The following DNAH14 variants were observed in gnomAD, a reference collection of about 807,000 sequenced individuals.
DNAH14 encodes axonemal beta dynein heavy chain 14.
DNAH14 carries 478 observed loss-of-function variants against 520.9 expected under a neutral mutation model. That is an observed-to-expected ratio of 0.92 (90% CI 0.85 to 0.99). DNAH14 has a LOEUF of 0.99. DNAH14 is among the 50% of genes least tolerant of loss of function. DNAH14 has a pLI of 0.00. For missense variants in DNAH14, 4,831 were observed against 5,234.5 expected, an observed-to-expected ratio of 0.92 and a Z score of 2.38; for synonymous variants, 1,581 against 1,757.2, an observed-to-expected ratio of 0.90 and a Z score of 2.51.
At chr1:225,336,038 C>CATATGCAT (rs1553337722) in intron 66 of DNAH14, among the ~76,000 whole-genome samples, 3 of 64,668 alleles carry the variant, frequency 4.6e-5, no homozygotes, top group African/African-American at 9.5e-5. Context: ...TATATACACA[C>CATATGCAT]ATATATGCAT....
chr1:225,162,900 G>A (rs966018814), intron 35 of DNAH14, among the ~76,000 whole-genome samples: 7 of 151,990 alleles, frequency 4.6e-5, no homozygotes, highest in Non-Finnish European at 1.0e-4. Context: ...ACTTTGGGAG[G>A]CCAAGCCAAA....
chr1:224,968,046 C>A, intron 6 of DNAH14: 1 of 786,154 alleles, frequency 1.3e-6, no homozygotes, highest in Non-Finnish European at 1.6e-6. Flanking sequence ...TGTTTAATGT[C>A]TGTCTGCCTT....
intron 8 of DNAH14, 131 bp downstream of exon 8, chr1:224,974,284 C>A (rs1326189378): frequency 2.0e-6 from 1 of 495,948 alleles, no homozygotes. Context: ...TACGATTAAA[C>A]TTAACCCATT....
chr1:224,951,335 C>G (rs924072674), intron 1 of DNAH14, among the ~76,000 whole-genome samples: 1 of 151,530 alleles, frequency 6.6e-6, no homozygotes, highest in African/African-American at 2.4e-5. Context: ...CTTGTTGGCT[C>G]TTTTTCAAAA....
chr1:225,085,945 A>G (rs1335798368), intron 21 of DNAH14, among the ~76,000 whole-genome samples, 156 bp downstream of exon 21: 2 of 152,088 alleles, frequency 1.3e-5, no homozygotes, highest in Admixed American at 1.3e-4. Context: ...AATACCAAAA[A>G]TAACTTTTTG....
In DNAH14 at chr1:224,964,571, G is replaced by A. The variant is rs202121833; in HGVS notation, c.460G>A (p.Gly154Arg). The A allele has an allele frequency of 2.5e-4, 397 of 1,603,460 alleles. 5 individuals are homozygous for A. Among genetic ancestry groups the A allele is most frequent in the Admixed American group, 1.5e-4 (9 of 59,668 alleles). ...TILPQHSLKY[G>R]SSKIAIQKIT... ...ATTACCGCAGCACAGTTTGAAATACGGAAGCTCCAAAATTGCAATTCAGAA... is the reference window on the plus strand; with the variant it reads ...ATTACCGCAGCACAGTTTGAAATACAGAAGCTCCAAAATTGCAATTCAGAA... Residue 154 changes from glycine to arginine, a missense_variant, in exon 5 of 86, where the codon GGA becomes AGA. Transcript: ENST00000682510.
intron 52 of DNAH14, among the ~76,000 whole-genome samples, chr1:225,275,598 A>G (rs1418836845): frequency 6.6e-6 from 1 of 152,230 alleles, no homozygotes; most frequent in Non-Finnish European, 1.5e-5. Context: ...ATTTCTAGCA[A>G]CAGGAGTTCT....
intron 1 of DNAH14, among the ~76,000 whole-genome samples, chr1:224,947,193 C>T (rs1399249208): frequency 6.6e-6 from 1 of 152,096 alleles, no homozygotes; most frequent in African/African-American, 2.4e-5. Context: ...GCTGGGATTA[C>T]AGGCGTGAAC....
intron 81 of DNAH14, among the ~76,000 whole-genome samples, chr1:225,386,705 T>A (rs1476610756): frequency 6.6e-6 from 1 of 152,218 alleles, no homozygotes; most frequent in Non-Finnish European, 1.5e-5. Context: ...CCAGTTAGAA[T>A]GGCAATCATT....
At chr1:225,048,704 C>T (rs969460140) in intron 15 of DNAH14, among the ~76,000 whole-genome samples, 2 of 151,942 alleles carry the variant, frequency 1.3e-5, no homozygotes, top group Admixed American at 6.5e-5. Context: ...CCAAATTTTC[C>T]TTTTTCTTGG....
In DNAH14 at chr1:225,346,652, C is replaced by T; in HGVS notation, c.11294C>T (p.Thr3765Ile). The T allele has an allele frequency of 6.5e-7, 1 of 1,533,378 alleles. No homozygotes were observed. The highest frequency in any genetic ancestry group is 8.8e-7 in the Non-Finnish European group (1 of 1,137,494). The allele number at this position is 1,533,378 out of a possible 1,614,324, so 95.0% of individuals were successfully genotyped here. The change falls in exon 71 of 86, where the codon ACT becomes ATT. Residue 3765 changes from threonine (T) to isoleucine (I), a missense_variant and splice_region_variant. Thr to Ile is a moderately conservative substitution (Grantham distance 89, BLOSUM62 -1). Coordinates refer to ENST00000682510, the MANE Select transcript of DNAH14 (RefSeq NM_001367479.1). ...AGTGCATTATCCCAGTCTAGACTTA[C>T]TAGTAAGTAAAAGTTACTATTCCGG... ...IKSALSQSRL[T>I]STFEIGESQH... is the part of the protein sequence containing the mutation.
chr1:225,023,899 A>G, intron 11 of DNAH14, 34 bp downstream of exon 11: 1 of 1,498,404 alleles, frequency 6.7e-7, no homozygotes, highest in South Asian at 1.3e-5. Context: ...AAAGTAACTT[A>G]CAATTATAAT....
At chr1:225,375,104 G>A (rs1326247476) in intron 78 of DNAH14, among the ~76,000 whole-genome samples, 3 of 151,896 alleles carry the variant, frequency 2.0e-5, no homozygotes, top group African/African-American at 7.3e-5. Context: ...CATGTCCTCC[G>A]AGAACGTAGA....
chr1:225,061,007 G>A (rs897578030), intron 17 of DNAH14, among the ~76,000 whole-genome samples: 1 of 150,718 alleles, frequency 6.6e-6, no homozygotes, highest in Non-Finnish European at 1.5e-5. Flanking sequence ...ATCTCCAGCT[G>A]CATGCTAGGA....
intron 57 of DNAH14, among the ~76,000 whole-genome samples, chr1:225,304,023 T>A (rs77177377): frequency 5.9e-5 from 9 of 151,364 alleles, no homozygotes; most frequent in Non-Finnish European, 1.2e-4. Context: ...GAAAAAAAAA[T>A]GCCGCTGAGT....
In DNAH14 at chr1:225,377,310, A is replaced by T; in HGVS notation, c.12590A>T (p.Asp4197Val). ...ATTATCCAGTCCTTACCTGATGATG[A>T]CCTTCCCGAGGTCTTAGGAATACAC... ...IHIIQSLPDDDLPEVLGIHPE... is the reference protein window; with the variant it reads ...IHIIQSLPDDVLPEVLGIHPE... The change falls in exon 79 of 86, where the codon GAC becomes GTC. Residue 4197 changes from aspartate (D) to valine (V), a missense_variant. Physicochemically the swap from Asp to Val is radical, Grantham distance 152. Coordinates refer to ENST00000682510, the MANE Select transcript of DNAH14 (RefSeq NM_001367479.1). The T allele has an allele frequency of 6.5e-7, 1 of 1,550,094 alleles. No homozygotes were observed. Among genetic ancestry groups the T allele is most frequent in the Non-Finnish European group, 8.7e-7 (1 of 1,146,244 alleles).
At chr1:224,938,914 G>A (rs1223817057) in intron 1 of DNAH14, among the ~76,000 whole-genome samples, 1 of 152,164 alleles carries the variant, frequency 6.6e-6, no homozygotes, top group Non-Finnish European at 1.5e-5. Context: ...ATTATGCTAA[G>A]TGAAATAAGC....
At chr1:225,250,597 A>G in intron 43 of DNAH14, 1 of 451,884 alleles carries the variant, frequency 2.2e-6, no homozygotes, top group South Asian at 5.5e-5. Context: ...ACGGTTTTAC[A>G]GTTTTGTTAT....
At chr1:225,044,347 G>A (rs1273517208) in intron 15 of DNAH14, among the ~76,000 whole-genome samples, 1 of 152,126 alleles carries the variant, frequency 6.6e-6, no homozygotes, top group Non-Finnish European at 1.5e-5. Context: ...GCAGCTGTAT[G>A]TACACAATCT....
Sources: gnomAD v4.1 joint callset for allele counts (sites outside exome capture counted in the v4.1 genomes callset) on GRCh38, gnomAD v4.1.1 for gene constraint, MANE v1.5 for transcripts, NCBI Gene and HGNC (gene_info 2026-07-23, HGNC 2026-07-21) for gene names.